TTC6: variants seen among roughly 807,000 people sequenced by gnomAD.
TTC6 encodes tetratricopeptide repeat protein 6.
A neutral mutation model predicts 210.4 loss-of-function variants in TTC6; 172 were observed. The observed-to-expected ratio is 0.82, with a 90% CI of 0.72 to 0.93. TTC6 has a LOEUF of 0.93. TTC6 is among the 40% of genes least tolerant of loss of function. The pLI, the probability that TTC6 is intolerant of heterozygous loss-of-function variation, is 0.00. For synonymous variants in TTC6, 804 were observed against 819.6 expected (o/e 0.98, Z 0.32); for missense variants, 2,414 against 2,318.1 (o/e 1.04, Z -0.85).
chr14:37,763,219 C>T (rs2095989770), intron 14 of TTC6, among the ~76,000 whole-genome samples: 1 of 151,976 alleles, frequency 6.6e-6, no homozygotes. Context: ...CTGTTGCATT[C>T]AATTTGCTCA....
intron 14 of TTC6, among the ~76,000 whole-genome samples, chr14:37,785,829 A>C (rs1420288920): frequency 6.6e-6 from 1 of 152,070 alleles, no homozygotes; most frequent in Non-Finnish European, 1.5e-5. Context: ...TCTGTTTGTT[A>C]GTTTTCCTTC....
In TTC6 at chr14:37,612,748, C is replaced by A. The variant is rs550496615; in HGVS notation, c.-155+6006C>A. Among the ~76,000 whole-genome samples, 7 of 152,186 alleles carry A rather than the reference C, an allele frequency of 4.6e-5. No homozygotes were observed. In the South Asian group the frequency reaches 1.5e-3, roughly 32 times the overall value. The stretch of plus-strand genomic sequence containing the variant: ...CTAAATTTTATGTTTTGTGGAGGCA[C>A]TAGTGTAAGTGGAATTTTAAAAATA... On this transcript the variant is annotated intron_variant, in intron 2 of 2. Transcript: ENST00000556845.
intron 7 of TTC6, among the ~76,000 whole-genome samples, chr14:37,732,860 C>T (rs533530167): frequency 7.4e-6 from 1 of 134,800 alleles, no homozygotes; most frequent in Non-Finnish European, 1.7e-5. Context: ...CCCACCTCGG[C>T]CTCCCAAAGT....
At chr14:37,689,151 G>C (rs1484225991) in intron 3 of TTC6, among the ~76,000 whole-genome samples, 1 of 151,902 alleles carries the variant, frequency 6.6e-6, no homozygotes, top group Non-Finnish European at 1.5e-5. Flanking sequence ...AGAAATTCTG[G>C]AGTTGAAAAA....
At position 37,622,636 on chromosome 14, in the gene TTC6, TAGCTCCTCTCGCAGGGCCCTGCATGGCCA is replaced by T; in HGVS notation, c.574_602del (p.Ala192ArgfsTer133). 6.5e-7 allele frequency: 1 copy of T among 1,534,954 alleles called. No individual in the cohort carries two copies. The highest frequency in any genetic ancestry group is 8.7e-7 in the Non-Finnish European group (1 of 1,146,534). On this transcript the variant is annotated frameshift_variant, in exon 1 of 31. Coordinates refer to ENST00000553443, the Ensembl canonical transcript of TTC6. LOFTEE classifies it high-confidence loss of function. ...AGGGAGCGCGAACAGAGCCAGGAGG[TAGCTCCTCTCGCAGGGCCCTGCATGGCCA>T]AAGAGAGGAAGGCCAGCTCCGTCTC...
At chr14:37,831,348 C>A (rs2096184628) in intron 29 of TTC6, among the ~76,000 whole-genome samples, 1 of 152,124 alleles carries the variant, frequency 6.6e-6, no homozygotes, top group Non-Finnish European at 1.5e-5. Context: ...TAGGGTGATT[C>A]CATATCTTGG....
exon 7 of TTC6, chr14:37,724,904 G>T: frequency 6.6e-7 from 1 of 1,518,352 alleles, no homozygotes; most frequent in South Asian, 1.2e-5. Flanking sequence ...AAAGATGTAT[G>T]CTTATCCAGA....
At chr14:37,659,862 A>T (rs1025535742) in intron 1 of TTC6, among the ~76,000 whole-genome samples, 2 of 147,456 alleles carry the variant, frequency 1.4e-5, no homozygotes, top group African/African-American at 4.9e-5. Context: ...TGGTTAGTAA[A>T]TTTTTTTTCA....
chr14:37,802,733 T>C (rs1029836814), intron 20 of TTC6, among the ~76,000 whole-genome samples: 2 of 94,196 alleles, frequency 2.1e-5, no homozygotes, highest in Non-Finnish European at 4.2e-5. Context: ...ACTTTCTTTT[T>C]TCTCTTTTTT....
chr14:37,748,776 G>A (rs1405592507), intron 10 of TTC6, among the ~76,000 whole-genome samples, 163 bp from the exon 13 acceptor site: 3 of 152,074 alleles, frequency 2.0e-5, no homozygotes, highest in Non-Finnish European at 4.4e-5. Flanking sequence ...TCTTCATACA[G>A]TGTTACCATT....
intron 14 of TTC6, among the ~76,000 whole-genome samples, chr14:37,771,694 T>A (rs2096019475): frequency 6.6e-6 from 1 of 152,178 alleles, no homozygotes; most frequent in Admixed American, 6.5e-5. Flanking sequence ...TTATTCTAGT[T>A]ATACATTCTT....
At chr14:37,796,889 C>T in exon 20 of TTC6, 1 of 1,610,042 alleles carries the variant, frequency 6.2e-7, no homozygotes. Flanking sequence ...TGGAATAGAG[C>T]TGAGATGACC....
At chr14:37,841,872 T>C (rs112136782) in intron 30 of TTC6, among the ~76,000 whole-genome samples, 3 of 152,324 alleles carry the variant, frequency 2.0e-5, no homozygotes, top group African/African-American at 7.2e-5. Flanking sequence ...AACTGAGATA[T>C]AGGGAATTAT....
At chr14:37,743,122 G>T (rs2095925762) in intron 10 of TTC6, among the ~76,000 whole-genome samples, 1 of 152,216 alleles carries the variant, frequency 6.6e-6, no homozygotes, top group African/African-American at 2.4e-5. Context: ...TCAGACTGGA[G>T]TGATAGCTAG....
At chr14:37,811,475 T>G (rs765983136) in intron 24 of TTC6, among the ~76,000 whole-genome samples, 4 of 152,228 alleles carry the variant, frequency 2.6e-5, no homozygotes, top group Non-Finnish European at 5.9e-5. Context: ...TCATTTTCAG[T>G]TGGCAGATGC....
chr14:37,748,775 A>G (rs1595192370), intron 10 of TTC6, among the ~76,000 whole-genome samples, 164 bp from the exon 13 acceptor site: 1 of 152,320 alleles, frequency 6.6e-6, no homozygotes, highest in Middle Eastern at 3.4e-3. Context: ...TTCTTCATAC[A>G]GTGTTACCAT....
At chr14:37,680,917 C>A (rs1161126269) in intron 2 of TTC6, among the ~76,000 whole-genome samples, 2 of 152,102 alleles carry the variant, frequency 1.3e-5, no homozygotes, top group Non-Finnish European at 2.9e-5. Flanking sequence ...AAATCGTGAT[C>A]ATATTTCATT....
intron 20 of TTC6, among the ~76,000 whole-genome samples, chr14:37,801,584 AAG>A (rs773361776): frequency 6.6e-6 from 1 of 152,096 alleles, no homozygotes; most frequent in Admixed American, 6.6e-5. Context: ...TAGCAGAGTA[AAG>A]AGAGAGAGGT....
intron 1 of TTC6, among the ~76,000 whole-genome samples, chr14:37,605,121 T>C (rs749040663): frequency 1.9e-4 from 29 of 152,200 alleles, no homozygotes; most frequent in Non-Finnish European, 3.8e-4. Context: ...ATATAGTCTG[T>C]GAAAAGACCA....
Sources: gnomAD v4.1 joint callset for allele counts (sites outside exome capture counted in the v4.1 genomes callset) on GRCh38, gnomAD v4.1.1 for gene constraint, MANE v1.5 for transcripts, NCBI Gene and HGNC (gene_info 2026-07-23, HGNC 2026-07-21) for gene names.